The following SNTG1 variants were observed in gnomAD, a reference collection of about 807,000 sequenced individuals.
SNTG1 encodes the protein syntrophin gamma 1.
Under a neutral mutation model 74.7 loss-of-function variants are expected in SNTG1, and 39 were observed. That is an observed-to-expected ratio of 0.52 (90% confidence interval 0.40 to 0.68). The LOEUF (loss-of-function observed/expected upper bound fraction) is 0.68, where lower values mean the gene tolerates loss of function less well. Among genes scored for constraint, SNTG1 ranks in the 30% least tolerant of loss-of-function variants. The pLI is 0.00. For synonymous variants in SNTG1, 254 were observed against 217.1 expected (o/e 1.17, Z -1.49); for missense variants, 685 against 609.5 (o/e 1.12, Z -1.30).
chr8:50,770,491 C>A (rs911488609), intron 18 of SNTG1, among the ~76,000 whole-genome samples: 8 of 152,016 alleles, frequency 5.3e-5, no homozygotes, highest in Non-Finnish European at 1.2e-4. Flanking sequence ...AGCTATAAGA[C>A]CCAGCACCTC....
At chr8:49,952,126 G>A (rs1342445823) in intron 1 of SNTG1, among the ~76,000 whole-genome samples, 4 of 152,002 alleles carry the variant, frequency 2.6e-5, no homozygotes, top group African/African-American at 9.7e-5. Flanking sequence ...TTCTTATAGT[G>A]CTTTTATTGT....
intron 2 of SNTG1, among the ~76,000 whole-genome samples, chr8:50,378,322 G>A (rs761756489): frequency 6.6e-6 from 1 of 152,204 alleles, no homozygotes; most frequent in Non-Finnish European, 1.5e-5. Context: ...GAACCACAGG[G>A]CCCCAAAGAT....
intron 13 of SNTG1, among the ~76,000 whole-genome samples, 183 bp downstream of exon 13, chr8:50,591,100 T>C (rs1217594987): frequency 6.6e-6 from 1 of 152,132 alleles, no homozygotes; most frequent in African/African-American, 2.4e-5. Flanking sequence ...CCTCTACTTA[T>C]ATTAAAAAGT....
In SNTG1 at chr8:50,135,628, A is replaced by T. The variant is rs574919229; in HGVS notation, c.-102-36933A>T. ...ATGATTTTGGGGGACTTTCGTTTTT[A>T]AAAAAAAAATTCAATGAATTTTATT... is the stretch of plus-strand genomic sequence containing the variant. On this transcript the variant is annotated intron_variant, in intron 1 of 18. Transcript: ENST00000642720. Among the ~76,000 whole-genome samples, 230 of 150,380 alleles carry T rather than the reference A, an allele frequency of 1.5e-3. No individual in the cohort carries two copies. The Middle Eastern group carries it at 0.017, about 11-fold the overall frequency.
intron 2 of SNTG1, among the ~76,000 whole-genome samples, chr8:50,197,843 G>A (rs1175408199): frequency 2.0e-5 from 3 of 151,518 alleles, no homozygotes; most frequent in East Asian, 1.9e-4. Context: ...TATTTTTCCC[G>A]TTGGTTTTAC....
chr8:50,635,999 G>A (rs1563676148), intron 13 of SNTG1, among the ~76,000 whole-genome samples: 1 of 151,850 alleles, frequency 6.6e-6, no homozygotes, highest in Non-Finnish European at 1.5e-5. Flanking sequence ...TTAATGAGCA[G>A]GTGATGAATC....
chr8:50,221,586 C>T lies in SNTG1; in HGVS notation c.-28+48951C>T, dbSNP rs562651770. ...GATAATAAAACCAAATACTTAAAGG[C>T]AATGAGAGAGTTAGTAATATAGGAT... On this transcript the variant is annotated intron_variant, in intron 2 of 18. Transcript: ENST00000642720. Among the ~76,000 whole-genome samples the T allele has an allele frequency of 1.0e-4, 15 of 150,678 alleles. No homozygotes were observed. In the South Asian group the frequency reaches 2.7e-3, roughly 27 times the overall value.
At chr8:50,322,386 G>A (rs1207546629) in intron 2 of SNTG1, among the ~76,000 whole-genome samples, 1 of 152,068 alleles carries the variant, frequency 6.6e-6, no homozygotes, top group African/African-American at 2.4e-5. Flanking sequence ...CTTCCACTGG[G>A]AAGTCTGCTG....
intron 1 of SNTG1, among the ~76,000 whole-genome samples, chr8:49,936,823 T>C (rs1190177943): frequency 3.3e-5 from 5 of 152,214 alleles, no homozygotes; most frequent in African/African-American, 1.2e-4. Flanking sequence ...GAAATACTTA[T>C]TGATACATGC....
intron 1 of SNTG1, among the ~76,000 whole-genome samples, chr8:50,056,253 A>G (rs771635516): frequency 1.3e-5 from 2 of 152,216 alleles, no homozygotes; most frequent in South Asian, 4.1e-4. Flanking sequence ...ACTATGTTCC[A>G]CAGATAAAAT....
At chr8:50,078,914 A>G (rs1822147035) in intron 1 of SNTG1, among the ~76,000 whole-genome samples, 1 of 152,304 alleles carries the variant, frequency 6.6e-6, no homozygotes, top group African/African-American at 2.4e-5. Context: ...GCTGCATAGT[A>G]TTCCATGGTG....
At chr8:50,515,655 C>T (rs552888406) in intron 9 of SNTG1, among the ~76,000 whole-genome samples, 4 of 152,076 alleles carry the variant, frequency 2.6e-5, no homozygotes, top group Admixed American at 2.6e-4. Flanking sequence ...TAGTAGGCGG[C>T]TTTCTCCTCA....
At chr8:50,217,332 T>A (rs1563754208) in intron 2 of SNTG1, among the ~76,000 whole-genome samples, 1 of 152,100 alleles carries the variant, frequency 6.6e-6, no homozygotes, top group Non-Finnish European at 1.5e-5. Context: ...GGAGTCATTT[T>A]TTTCAATCAC....
chr8:49,947,843 A>G (rs1042022646), intron 1 of SNTG1, among the ~76,000 whole-genome samples: 19 of 152,194 alleles, frequency 1.2e-4, no homozygotes, highest in African/African-American at 4.3e-4. Flanking sequence ...TTAAAAGTTG[A>G]TATCAGGCCT....
intron 4 of SNTG1, among the ~76,000 whole-genome samples, chr8:50,421,485 T>G (rs2093086791): frequency 1.3e-5 from 2 of 152,102 alleles, no homozygotes; most frequent in African/African-American, 4.8e-5. Flanking sequence ...TTGTTTTTGG[T>G]GAGATTTAGC....
intron 1 of SNTG1, among the ~76,000 whole-genome samples, chr8:50,040,872 A>G (rs1818576823): frequency 6.6e-6 from 1 of 152,186 alleles, no homozygotes; most frequent in Non-Finnish European, 1.5e-5. Flanking sequence ...CTAGAGAAGC[A>G]CAAAGGGGCA....
At position 50,381,588 on chromosome 8, in the gene SNTG1, GTGTGTA is replaced by G. The variant is rs1191345127; in HGVS notation, c.-27-12622_-27-12617del. ...TGTGTGTGTGTGTGTGTGTGTGTGT[GTGTGTA>G]TATATATATATATCTCCTATTAGTT... On this transcript the variant is annotated intron_variant, in intron 2 of 18. Transcript: ENST00000642720. Among the ~76,000 whole-genome samples, 27 of 134,342 alleles carry G rather than the reference GTGTGTA, an allele frequency of 2.0e-4. 1 individual carries two copies. In the East Asian group the frequency reaches 2.2e-3, roughly 11 times the overall value. 88.1% of individuals were successfully genotyped at this position (134,342 alleles called of 152,430 possible). A position where few individuals can be genotyped will look rare whatever the true frequency, so the allele number is the denominator to read the frequency against.
intron 2 of SNTG1, among the ~76,000 whole-genome samples, chr8:50,247,369 A>C (rs539120668): frequency 6.6e-6 from 1 of 152,228 alleles, no homozygotes; most frequent in Admixed American, 6.5e-5. Flanking sequence ...GATTTAGCAG[A>C]ATTCATATTG....
At chr8:50,426,209 C>T (rs527803666) in intron 4 of SNTG1, among the ~76,000 whole-genome samples, 3 of 152,192 alleles carry the variant, frequency 2.0e-5, no homozygotes, top group Non-Finnish European at 4.4e-5. Context: ...ATCCAGGACA[C>T]CTCTGTATGT....
Sources: allele counts gnomAD v4.1 joint callset (sites outside exome capture counted in the v4.1 genomes callset), GRCh38; gene constraint gnomAD v4.1.1; transcripts MANE v1.5; gene names NCBI Gene and HGNC (gene_info 2026-07-23, HGNC 2026-07-21).